The following PHYKPL variants were observed in gnomAD, a reference collection of about 807,000 sequenced individuals.
PHYKPL encodes 5-phosphonooxy-L-lysine phospho-lyase.
Under a neutral mutation model 51.3 loss-of-function variants are expected in PHYKPL, and 42 were observed. The ratio of observed to expected loss-of-function variants is 0.82; its 90% CI spans 0.64 to 1.06. PHYKPL has a LOEUF of 1.06. PHYKPL is among the 50% of genes least tolerant of loss of function. PHYKPL has a pLI of 0.00. For synonymous variants in PHYKPL, 264 were observed against 236.0 expected, an observed-to-expected ratio of 1.12 and a Z score of -1.09; for missense variants, 655 against 586.6, an observed-to-expected ratio of 1.12 and a Z score of -1.20.
intron 7 of PHYKPL, 96 bp from the exon 8 acceptor site, chr5:178,222,676 G>A: frequency 1.4e-6 from 2 of 1,411,958 alleles, no homozygotes; most frequent in Non-Finnish European, 2.0e-6. Context: ...GGCTCTGCCA[G>A]CAGTAAGGTG....
chr5:178,224,825 G>T, intron 4 of PHYKPL, 96 bp from the exon 5 acceptor site: 1 of 952,476 alleles, frequency 1.0e-6, no homozygotes, highest in South Asian at 1.7e-5. Context: ...GACACACAAG[G>T]GAGGCCAACT....
In PHYKPL at chr5:178,231,460, GTAC is replaced by G. The variant is rs1444626299; in HGVS notation, c.120_122del (p.Gln40_Tyr41delinsHis). On this transcript the variant is annotated inframe_deletion, in exon 2 of 13. Transcript: ENST00000308158. ...ATTCTGCCCCCTGTTCATCGTACAT[GTAC>G]TGCCCTTGGGCCCGGACAATCTTAA... 2 of 1,614,178 alleles carry G rather than the reference GTAC, an allele frequency of 1.2e-6. No homozygotes were observed.
rs1759547887 is a variant in PHYKPL, at chr5:178,215,321, A to G, written c.1037T>C (p.Leu346Pro). The G allele has an allele frequency of 6.2e-7, 1 of 1,613,998 alleles. No homozygotes were observed. The highest frequency in any genetic ancestry group is 2.2e-5 in the East Asian group (1 of 44,876). ...ATSVGSFLMQ[L>P]LGQQKIKHPI... is the part of the protein sequence containing the mutation. The stretch of plus-strand genomic sequence containing the variant: ...ATGTTTGATTTTTTGCTGCCCGAGG[A>G]GCTGCATCAGGAAGCTGCCTACACT... Residue 346 changes from leucine to proline, a missense_variant, in exon 9 of 13, where the codon CTC becomes CCC. Leu to Pro is a moderately conservative substitution (Grantham distance 98). Coordinates refer to ENST00000308158, the MANE Select transcript of PHYKPL (RefSeq NM_153373.4).
chr5:178,232,768 C>T lies in PHYKPL; in HGVS notation c.-218G>A. 1 of 425,776 alleles carries T rather than the reference C, an allele frequency of 2.3e-6. No homozygotes were observed. Among genetic ancestry groups the T allele is most frequent in the Non-Finnish European group, 3.7e-6 (1 of 268,324 alleles). 26.4% of individuals were successfully genotyped at this position (425,776 alleles called of 1,614,324 possible). ...CTTCCGGCCCGTGGTCGTGCCTTGG[C>T]AGTCCCGCGCAGGAACTCGAGCGCT... is the stretch of plus-strand genomic sequence containing the variant. On this transcript the variant is annotated 5_prime_UTR_variant, in exon 1 of 13. Coordinates refer to ENST00000308158, the MANE Select transcript of PHYKPL (RefSeq NM_153373.4).
At position 178,231,757 on chromosome 5, in the gene PHYKPL, T is replaced by G. The variant is rs73336845; in HGVS notation, c.60-234A>C. ...ACTTCGGATTGTTTCTGAAAGCATT[T>G]TCAGCCTCTGTGGCCTCCTTGCTCA... On this transcript the variant is annotated intron_variant, in intron 1 of 12. Coordinates refer to ENST00000308158, the MANE Select transcript of PHYKPL (RefSeq NM_153373.4). 2.5e-3 allele frequency: 3,802 copies of G among 1,494,986 alleles called. 84 individuals are homozygous for G. In the African/African-American group the frequency reaches 0.048, roughly 19 times the overall value. The allele number at this position is 1,494,986 out of a possible 1,614,324, so 92.6% of individuals were successfully genotyped here.
At chr5:178,210,132 G>A (rs1757740462) in intron 12 of PHYKPL, 2 of 1,614,114 alleles carry the variant, frequency 1.2e-6, no homozygotes, top group Non-Finnish European at 1.7e-6. Context: ...CCCCCCACAG[G>A]TCAGAGTCAG....
intron 12 of PHYKPL, chr5:178,211,148 A>AGCTGGACAT (rs1216816940): frequency 6.4e-6 from 1 of 155,592 alleles, no homozygotes; most frequent in East Asian, 1.9e-4. Flanking sequence ...TTGAAATAAA[A>AGCTGGACAT]TTTAAAAACC....
chr5:178,230,264 G>C (rs1009439057), intron 2 of PHYKPL, 165 bp from the exon 3 acceptor site: 2 of 787,470 alleles, frequency 2.5e-6, no homozygotes, highest in Non-Finnish European at 3.9e-6. Context: ...AGCTGGTTCT[G>C]GAAAGGCAGA....
intron 1 of PHYKPL, 44 bp downstream of exon 1, chr5:178,232,448 C>G (rs985260016): frequency 8.0e-6 from 11 of 1,376,594 alleles, no homozygotes; most frequent in Non-Finnish European, 1.0e-5. Flanking sequence ...CGTGCCTCTC[C>G]GCGCAGCCCC....
At chr5:178,214,691 C>T in intron 10 of PHYKPL, 105 bp downstream of exon 10, 1 of 1,033,088 alleles carries the variant, frequency 9.7e-7, no homozygotes, top group Non-Finnish European at 1.5e-6. Context: ...AGTCTGTGGC[C>T]CAGAGTGCTG....
downstream of PHYKPL, among the ~76,000 whole-genome samples, chr5:178,208,160 T>C (rs140337460): frequency 1.1e-4 from 17 of 152,254 alleles, no homozygotes; most frequent in East Asian, 3.3e-3. Flanking sequence ...AGGCTTCAAG[T>C]TGGCAGTTGG....
chr5:178,227,146 A>C (rs906704340), intron 3 of PHYKPL, among the ~76,000 whole-genome samples: 8 of 152,042 alleles, frequency 5.3e-5, no homozygotes, highest in Non-Finnish European at 8.8e-5. Context: ...TATGGAGATA[A>C]GAGAGGTGAT....
At chr5:178,223,010 G>T in intron 6 of PHYKPL, 76 bp from the exon 7 acceptor site, 1 of 1,434,260 alleles carries the variant, frequency 7.0e-7, no homozygotes, top group East Asian at 2.3e-5. Context: ...GCTAGTGCTG[G>T]CTTAGTCCAA....
chr5:178,210,644 A>G (rs765120408), intron 12 of PHYKPL: 3 of 1,583,124 alleles, frequency 1.9e-6, no homozygotes, highest in Admixed American at 1.7e-5. Context: ...GGAGCGACCA[A>G]CTGATCGCAC....
chr5:178,216,882 A>C (rs1026904714), intron 8 of PHYKPL: 2 of 152,150 alleles, frequency 1.3e-5, no homozygotes, highest in Non-Finnish European at 2.9e-5. Flanking sequence ...CAAAAAATAA[A>C]AATAGCCAGG....
rs1761970160 is a variant in PHYKPL at position 178,224,797 on chromosome 5, C to CCCTGGCCCA, written c.414-69_414-68insTGGGCCAGG. 3.2e-6 allele frequency: 4 copies of CCCTGGCCCA among 1,261,670 alleles called. No homozygotes were observed. The South Asian group carries it at 5.4e-5, about 17-fold the overall frequency. The allele number at this position is 1,261,670 out of a possible 1,614,324, so 78.2% of individuals were successfully genotyped here. On this transcript the variant is annotated intron_variant, in intron 4 of 12. Transcript: ENST00000308158. ...CTACTCCCTGGCCCAGTCTGACCAT[C>CCCTGGCCCA]GTCTCCCCACCCCTGAAGACACACA...
intron 12 of PHYKPL, chr5:178,210,779 ACTAT>A: frequency 1.5e-6 from 1 of 663,216 alleles, no homozygotes; most frequent in South Asian, 1.7e-5. Flanking sequence ...TCTCCTGTTG[ACTAT>A]TTCCAGAGCT....
At chr5:178,231,676 C>T (rs1028102736) in intron 1 of PHYKPL, 153 bp from the exon 2 acceptor site, 3 of 1,574,154 alleles carry the variant, frequency 1.9e-6, no homozygotes, top group Non-Finnish European at 2.6e-6. Flanking sequence ...TGCCTTGTCT[C>T]TCCACTCCAC....
intron 10 of PHYKPL, among the ~76,000 whole-genome samples, chr5:178,213,904 ACCCATTTC>A (rs1038501840): frequency 6.6e-6 from 1 of 152,136 alleles, no homozygotes. Flanking sequence ...CAGGTGACTT[ACCCATTTC>A]CTCACTGAAC....
Sources: allele counts gnomAD v4.1 joint callset (sites outside exome capture counted in the v4.1 genomes callset), GRCh38; gene constraint gnomAD v4.1.1; transcripts MANE v1.5; gene names NCBI Gene and HGNC (gene_info 2026-07-23, HGNC 2026-07-21).